The following RTN1 variants were observed in gnomAD, a reference collection of about 807,000 sequenced individuals.
The protein encoded by RTN1 is reticulon 1, also known as reticulon-1.
A neutral mutation model predicts 65.5 loss-of-function variants in RTN1; 25 were observed. The ratio of observed to expected loss-of-function variants is 0.38; its 90% CI spans 0.28 to 0.53. The LOEUF is 0.53. RTN1 is among the 20% of genes least tolerant of loss of function. The pLI is 0.79. For synonymous variants in RTN1, 471 were observed against 447.6 expected (o/e 1.05, Z -0.66); for missense variants, 983 against 1,025.4 (o/e 0.96, Z 0.57).
chr14:59,846,273 T>C lies in RTN1; in HGVS notation c.241+24117A>G, dbSNP rs921831701. ...AACTGAGATGATAAATCCTGGCCCA[T>C]CTGCTGCTTGTGTCCCTCCTCCTTG... On this transcript the variant is annotated intron_variant, in intron 1 of 8. Coordinates refer to ENST00000267484, the MANE Select transcript of RTN1 (RefSeq NM_021136.3). This position sits in a 1 kb window ranked among gnomAD's most constrained non-coding sequence, Gnocchi z 4.8. 6.6e-6 allele frequency among the ~76,000 whole-genome samples: 1 copy of C among 152,146 alleles called. No individual in the cohort carries two copies. The highest frequency in any genetic ancestry group is 1.5e-5 in the Non-Finnish European group (1 of 68,010).
At chr14:59,710,066 A>C (rs1356015517) in intron 3 of RTN1, among the ~76,000 whole-genome samples, 6 of 120,736 alleles carry the variant, frequency 5.0e-5, no homozygotes, top group Non-Finnish European at 9.6e-5. Context: ...TTTTTTTGAC[A>C]GACTGTCACT....
chr14:59,829,472 A>T lies in RTN1; in HGVS notation c.241+40918T>A, dbSNP rs188656052. On this transcript the variant is annotated intron_variant, in intron 1 of 8. Transcript: ENST00000267484. The surrounding 1 kb of genome is among the most constrained non-coding windows in gnomAD (Gnocchi z 4.3). ...TTTTATAGTTATGTAAGTAACACCC[A>T]TGGGGGAAGTACTGAAGAAGGCTAT... 1.2e-4 allele frequency among the ~76,000 whole-genome samples: 18 copies of T among 152,360 alleles called. No individual in the cohort carries two copies. The East Asian group carries it at 3.5e-3, about 29-fold the overall frequency.
intron 3 of RTN1, among the ~76,000 whole-genome samples, chr14:59,656,853 C>G (rs931294031): frequency 6.6e-6 from 1 of 152,222 alleles, no homozygotes; most frequent in African/African-American, 2.4e-5. Context: ...TTTAAACTTA[C>G]TAGGAATTCA....
intron 3 of RTN1, among the ~76,000 whole-genome samples, chr14:59,697,036 A>G (rs945083195): frequency 1.3e-5 from 2 of 151,936 alleles, no homozygotes; most frequent in African/African-American, 4.8e-5. Context: ...TCACCCTTCT[A>G]GAGTCTCATT....
rs766523227 is a variant in RTN1, at chr14:59,746,196, G to A, written c.527C>T (p.Thr176Met). The change falls in exon 2 of 9, where the codon ACG becomes ATG. Residue 176 changes from threonine to methionine, a missense_variant. This residue lies in a region of RTN1 where 818 missense variants were observed against 801.8 expected (regional missense o/e 1.02). Coordinates refer to ENST00000267484, the MANE Select transcript of RTN1 (RefSeq NM_021136.3). The stretch of plus-strand genomic sequence containing the variant: ...GTCTGCTAAGATCTTGTTCACTTCC[G>A]TGGACTCTGCAGGAGTCATCTCTAT... ...SGIEMTPAESTEVNKILADPL... is the reference protein window; with the variant it reads ...SGIEMTPAESMEVNKILADPL... 38 of 1,610,490 alleles carry A rather than the reference G, an allele frequency of 2.4e-5. No homozygotes were observed. Among genetic ancestry groups the A allele is most frequent in the African/African-American group, 5.4e-5 (4 of 74,722 alleles).
chr14:59,699,211 C>A (rs1216527030), intron 3 of RTN1, among the ~76,000 whole-genome samples: 1 of 151,944 alleles, frequency 6.6e-6, no homozygotes, highest in Non-Finnish European at 1.5e-5. Context: ...CATAATCTCA[C>A]AAATCACTGC....
intron 1 of RTN1, among the ~76,000 whole-genome samples, chr14:59,799,494 C>G (rs1387433289): frequency 6.6e-6 from 1 of 152,204 alleles, no homozygotes; most frequent in Admixed American, 6.5e-5. Flanking sequence ...AGATGGGACA[C>G]ATGAATTCTT....
chr14:59,703,885 A>G (rs190891188), intron 3 of RTN1, among the ~76,000 whole-genome samples: 4 of 152,342 alleles, frequency 2.6e-5, no homozygotes, highest in Admixed American at 1.3e-4. Flanking sequence ...GTCAGATATT[A>G]TACAGTGAAC....
chr14:59,625,657 T>C (rs746540339), intron 3 of RTN1, among the ~76,000 whole-genome samples: 1 of 152,220 alleles, frequency 6.6e-6, no homozygotes, highest in Non-Finnish European at 1.5e-5. Flanking sequence ...TAACAACGAT[T>C]AACTCTGGGT....
chr14:59,801,051 T>A (rs575764476), intron 1 of RTN1, among the ~76,000 whole-genome samples: 339 of 151,524 alleles, frequency 2.2e-3, no homozygotes, highest in Non-Finnish European at 3.5e-3. Context: ...GCTGAACACA[T>A]AGAAAAAGAA....
Position 59,679,087 on chromosome 14 carries a change from G to A in RTN1, c.1765+47832C>T, listed in dbSNP as rs1230431787. The stretch of plus-strand genomic sequence containing the variant: ...GGATTGTGAGGGATGACAGTGTCTG[G>A]AAAAGACTGGGAACAGGTAGGAATC... On this transcript the variant is annotated intron_variant, in intron 3 of 8. Coordinates refer to ENST00000267484, the MANE Select transcript of RTN1 (RefSeq NM_021136.3). 2.0e-5 allele frequency among the ~76,000 whole-genome samples: 3 copies of A among 152,280 alleles called. No homozygotes were observed. The East Asian group carries it at 5.8e-4, about 29-fold the overall frequency.
At chr14:59,640,982 ACAGGGT>A (rs1882767114) in intron 3 of RTN1, among the ~76,000 whole-genome samples, 2 of 152,072 alleles carry the variant, frequency 1.3e-5, no homozygotes, top group African/African-American at 4.8e-5. Flanking sequence ...TCCTTCTGAG[ACAGGGT>A]CTTGCCCTGT....
chr14:59,603,727 C>T (rs568090514), intron 6 of RTN1, 125 bp downstream of exon 6: 1 of 614,280 alleles, frequency 1.6e-6, no homozygotes, highest in South Asian at 2.0e-5. Context: ...AAGTGCTCTG[C>T]ACTCAGGGAT....
At chr14:59,714,431 T>C (rs1288702571) in intron 3 of RTN1, among the ~76,000 whole-genome samples, 1 of 152,156 alleles carries the variant, frequency 6.6e-6, no homozygotes, top group African/African-American at 2.4e-5. Context: ...TTGTTGCTAA[T>C]TTAATAGATG....
rs68098978 is a variant in RTN1 at position 59,606,103 on chromosome 14, G to GATATATATATATATATATATATATAT, written c.1974-598_1974-597insATATATATATATATATATATATATAT. The GATATATATATATATATATATATATAT allele has an allele frequency of 2.2e-4, 28 of 127,272 alleles. 1 individual carries two copies. Among genetic ancestry groups the GATATATATATATATATATATATATAT allele is most frequent in the African/African-American group, 9.8e-4 (25 of 25,570 alleles). The allele number at this position is 127,272 out of a possible 1,614,324, so 7.9% of individuals were successfully genotyped here. On this transcript the variant is annotated intron_variant, in intron 4 of 8. Transcript: ENST00000267484. Reference sequence around the variant, plus strand: ...TTTAATTCTTGGGTGGGAAAAACATGATATATATATATATATATATATATC... The same window carrying GATATATATATATATATATATATATAT: ...TTTAATTCTTGGGTGGGAAAAACATGATATATATATATATATATATATATATATATATATATATATATATATATATC...
intron 1 of RTN1, among the ~76,000 whole-genome samples, chr14:59,798,788 A>T (rs956105349): frequency 1.4e-4 from 17 of 125,570 alleles, no homozygotes; most frequent in Admixed American, 2.8e-4. Context: ...TAGGACATGG[A>T]TATCATTTGG....
chr14:59,738,492 C>CA (rs1269421387), intron 2 of RTN1, among the ~76,000 whole-genome samples: 47 of 152,132 alleles, frequency 3.1e-4, no homozygotes, highest in East Asian at 3.9e-4. Flanking sequence ...ACCAAAAAGT[C>CA]AAAAAACAAC....
chr14:59,678,821 T>G (rs983815996), intron 3 of RTN1, among the ~76,000 whole-genome samples: 1 of 152,162 alleles, frequency 6.6e-6, no homozygotes, highest in Non-Finnish European at 1.5e-5. Context: ...ACTGGGGGAG[T>G]TGGTTAAAAA....
intron 3 of RTN1, among the ~76,000 whole-genome samples, chr14:59,723,442 T>TAA (rs1190680372): frequency 1.4e-5 from 2 of 140,082 alleles, no homozygotes; most frequent in South Asian, 2.3e-4. Context: ...CCATCTCCAC[T>TAA]AAAAAAAAAA....
Sources: allele counts gnomAD v4.1 joint callset (sites outside exome capture counted in the v4.1 genomes callset), GRCh38; gene constraint gnomAD v4.1.1; regional missense constraint gnomAD v4.1.1; non-coding constraint Gnocchi (gnomAD v3.1); transcripts MANE v1.5; gene names NCBI Gene and HGNC (gene_info 2026-07-23, HGNC 2026-07-21).